MAP3K7CL: variants seen among roughly 807,000 people sequenced by gnomAD.
The protein encoded by MAP3K7CL is MAP3K7 C-terminal-like protein.
Under a neutral mutation model 18.6 loss-of-function variants are expected in MAP3K7CL, and 16 were observed. That is an observed-to-expected ratio of 0.86 (90% CI 0.58 to 1.31). MAP3K7CL has a LOEUF of 1.31. MAP3K7CL is among the 50% of genes most tolerant of loss of function. The pLI, the probability that MAP3K7CL is intolerant of heterozygous loss-of-function variation, is 0.00. For synonymous variants in MAP3K7CL, 65 were observed against 66.8 expected (o/e 0.97, Z 0.13); for missense variants, 163 against 174.4 (o/e 0.93, Z 0.37).
intron 3 of MAP3K7CL, among the ~76,000 whole-genome samples, chr21:29,159,118 A>C (rs545000441): frequency 6.6e-6 from 1 of 152,088 alleles, no homozygotes; most frequent in African/African-American, 2.4e-5. Flanking sequence ...ATGGGTTTTC[A>C]TCACGTTGAC....
intron 2 of MAP3K7CL, among the ~76,000 whole-genome samples, chr21:29,147,456 T>C (rs1466612433): frequency 2.6e-5 from 4 of 151,980 alleles, no homozygotes; most frequent in African/African-American, 9.7e-5. Context: ...TGTATCTGTA[T>C]GTGTACTGTA....
At chr21:29,130,062 TC>T (rs1440883888), upstream of MAP3K7CL, among the ~76,000 whole-genome samples, 5 of 152,230 alleles carry the variant, frequency 3.3e-5, no homozygotes, top group African/African-American at 1.2e-4. Flanking sequence ...CAGTCCATCA[TC>T]TGATATGTAT....
At chr21:29,090,730 C>T (rs2086011425) in intron 1 of MAP3K7CL, among the ~76,000 whole-genome samples, 1 of 151,498 alleles carries the variant, frequency 6.6e-6, no homozygotes, top group African/African-American at 2.4e-5. Flanking sequence ...TGCATGGAGC[C>T]AGGATCATCA....
At chr21:29,098,657 A>C (rs947336086) in intron 4 of MAP3K7CL, among the ~76,000 whole-genome samples, 3 of 152,242 alleles carry the variant, frequency 2.0e-5, no homozygotes, top group African/African-American at 7.2e-5. Context: ...TAGGACTCAG[A>C]GAGGGCAAAT....
chr21:29,084,683 A>G (rs559147985), upstream of MAP3K7CL, among the ~76,000 whole-genome samples: 8 of 152,310 alleles, frequency 5.3e-5, no homozygotes, highest in Admixed American at 5.2e-4. Context: ...CTTACCAGAT[A>G]TTCACTCCTC....
At chr21:29,128,506 G>T (rs906700078), upstream of MAP3K7CL, among the ~76,000 whole-genome samples, 11 of 152,076 alleles carry the variant, frequency 7.2e-5, no homozygotes, top group African/African-American at 2.7e-4. Flanking sequence ...GTTTCACCAT[G>T]TTAGCCAGGA....
At chr21:29,146,281 A>G (rs1351614636) in intron 2 of MAP3K7CL, among the ~76,000 whole-genome samples, 1 of 152,122 alleles carries the variant, frequency 6.6e-6, no homozygotes, top group African/African-American at 2.4e-5. Flanking sequence ...GTTCCCATTT[A>G]CCTTTGCCAA....
Position 29,149,176 on chromosome 21 carries a change from T to G in MAP3K7CL, c.71-13T>G. On this transcript the variant is annotated splice_polypyrimidine_tract_variant and intron_variant, in intron 2 of 4. Transcript: ENST00000399928. The stretch of plus-strand genomic sequence containing the variant: ...GCTCCATAGTGAAGAATCATTTTAT[T>G]TCCTTGTTTTAGATGATACACCCCC... 6.2e-7 allele frequency: 1 copy of G among 1,612,554 alleles called. No individual in the cohort carries two copies. The highest frequency in any genetic ancestry group is 8.5e-7 in the Non-Finnish European group (1 of 1,178,552).
chr21:29,092,434 T>C (rs1243978949), intron 3 of MAP3K7CL: 5 of 1,613,926 alleles, frequency 3.1e-6, no homozygotes, highest in Non-Finnish European at 4.2e-6. Context: ...TTGATCTTTA[T>C]TTAGTATTTC....
At chr21:29,125,460 C>T (rs907496670) in intron 4 of MAP3K7CL, among the ~76,000 whole-genome samples, 12 of 152,062 alleles carry the variant, frequency 7.9e-5, no homozygotes, top group African/African-American at 2.7e-4. Context: ...TTTGGGGGCA[C>T]GAATGATATA....
intron 2 of MAP3K7CL, among the ~76,000 whole-genome samples, chr21:29,137,662 G>A (rs2086915083): frequency 6.6e-6 from 1 of 152,156 alleles, no homozygotes; most frequent in Non-Finnish European, 1.5e-5. Flanking sequence ...CTAGTCATTT[G>A]GAGCAAGACT....
upstream of MAP3K7CL, among the ~76,000 whole-genome samples, chr21:29,128,921 G>C (rs1163527456): frequency 1.3e-5 from 2 of 152,136 alleles, no homozygotes; most frequent in Non-Finnish European, 2.9e-5. Context: ...TTCCTGAAAA[G>C]AATAAGCTTA....
chr21:29,085,667 G>T, upstream of MAP3K7CL: 1 of 377,456 alleles, frequency 2.6e-6, no homozygotes, highest in Non-Finnish European at 4.8e-6. Context: ...CATTTATGTA[G>T]AAAACCTCGT....
At chr21:29,154,865 G>A (rs903472058) in intron 3 of MAP3K7CL, among the ~76,000 whole-genome samples, 1 of 152,156 alleles carries the variant, frequency 6.6e-6, no homozygotes, top group East Asian at 1.9e-4. Context: ...ATACTTTGGA[G>A]CTTTTCAATA....
chr21:29,093,391 A>G (rs962796045), intron 4 of MAP3K7CL, among the ~76,000 whole-genome samples: 8 of 152,238 alleles, frequency 5.3e-5, no homozygotes, highest in East Asian at 1.9e-4. Context: ...TAATATTGTT[A>G]AAGACTAGAA....
At chr21:29,101,958 C>T (rs2086237946) in intron 4 of MAP3K7CL, among the ~76,000 whole-genome samples, 1 of 152,176 alleles carries the variant, frequency 6.6e-6, no homozygotes, top group South Asian at 2.1e-4. Flanking sequence ...TTCTTATGTA[C>T]TCTCTGGGTG....
In MAP3K7CL at chr21:29,106,601, G is replaced by A. The variant is rs560960020; in HGVS notation, c.370+14020G>A. ...TCTGTACAACCACGTGTGCCAGTTC[G>A]GGAACATGACCTCTGGCCAGAAAGT... On this transcript the variant is annotated intron_variant, in intron 4 of 6. Coordinates refer to the MAP3K7CL transcript ENST00000286791. Among the ~76,000 whole-genome samples, 8 of 152,120 alleles carry A rather than the reference G, an allele frequency of 5.3e-5. No homozygotes were observed. The South Asian group carries it at 1.5e-3, about 28-fold the overall frequency.
chr21:29,165,747 T>A (rs1229485660), intron 4 of MAP3K7CL, among the ~76,000 whole-genome samples: 1 of 152,150 alleles, frequency 6.6e-6, no homozygotes, highest in Non-Finnish European at 1.5e-5. Context: ...AATTGTTATA[T>A]TTTTAGTAGA....
At chr21:29,168,363 A>G (rs554072710) in intron 4 of MAP3K7CL, among the ~76,000 whole-genome samples, 1 of 152,336 alleles carries the variant, frequency 6.6e-6, no homozygotes, top group Non-Finnish European at 1.5e-5. Flanking sequence ...AGAATAGAAG[A>G]CGGTGCCTGG....
Sources: gnomAD v4.1 joint callset for allele counts (sites outside exome capture counted in the v4.1 genomes callset) on GRCh38, gnomAD v4.1.1 for gene constraint, MANE v1.5 for transcripts, NCBI Gene and HGNC (gene_info 2026-07-23, HGNC 2026-07-21) for gene names.